The following ARRB1 variants were observed in gnomAD, a reference collection of about 807,000 sequenced individuals.
The protein encoded by ARRB1 is arrestin beta 1, also known as beta-arrestin-1.
Under a neutral mutation model 56.8 loss-of-function variants are expected in ARRB1, and 21 were observed. That is an observed-to-expected ratio of 0.37 (90% CI 0.26 to 0.53). The LOEUF is 0.53. Among genes scored for constraint, ARRB1 ranks in the 20% least tolerant of loss-of-function variants. The probability of loss-of-function intolerance (pLI) is 0.88; values close to 1 mark genes in which losing one functional copy is unlikely to be tolerated. For synonymous variants in ARRB1, 210 were observed against 218.6 expected (o/e 0.96, Z 0.35); for missense variants, 424 against 553.7 (o/e 0.77, Z 2.35).
Position 75,277,454 on chromosome 11 carries a change from G to T in ARRB1, c.619-6C>A. Reference sequence around the variant, plus strand: ...GGTTCTCCATGGTAATAGATCTGGGGGGCATAAGAAGGGACGGGGTTGGCT... The same window carrying T: ...GGTTCTCCATGGTAATAGATCTGGGTGGCATAAGAAGGGACGGGGTTGGCT... On this transcript the variant is annotated splice_region_variant and splice_polypyrimidine_tract_variant and intron_variant, in intron 8 of 15. Coordinates refer to ENST00000420843, the MANE Select transcript of ARRB1 (RefSeq NM_004041.5). 1 of 1,613,944 alleles carries T rather than the reference G, an allele frequency of 6.2e-7. No homozygotes were observed. Among genetic ancestry groups the T allele is most frequent in the East Asian group, 2.2e-5 (1 of 44,880 alleles).
At chr11:75,291,984 C>A (rs779944448) in intron 1 of ARRB1, among the ~76,000 whole-genome samples, 1 of 152,178 alleles carries the variant, frequency 6.6e-6, no homozygotes, top group East Asian at 1.9e-4. Context: ...CTCTGCGCTG[C>A]ATTGATGGCC....
At chr11:75,269,755 G>A (rs1237927182) in intron 13 of ARRB1, among the ~76,000 whole-genome samples, 2 of 150,528 alleles carry the variant, frequency 1.3e-5, no homozygotes. Flanking sequence ...ATTGAGGCAT[G>A]AGGAGATTAA....
rs2140379764 is a variant in ARRB1, at chr11:75,260,904, T to A, written c.*5259A>T. ...GCCAAGATTTCCATCCATCCGGCGC[T>A]GTGTAAAGATGAATTTAACCCTAGC... On this transcript the variant is annotated 3_prime_UTR_variant, in exon 16 of 16. Coordinates refer to ENST00000420843, the MANE Select transcript of ARRB1 (RefSeq NM_004041.5). 6.6e-6 allele frequency: 1 copy of A among 152,262 alleles called. No homozygotes were observed. Among genetic ancestry groups the A allele is most frequent in the African/African-American group, 2.4e-5 (1 of 41,526 alleles). The allele number at this position is 152,262 out of a possible 1,614,324, so 9.4% of individuals were successfully genotyped here.
At chr11:75,346,494 C>T (rs932001854) in intron 1 of ARRB1, among the ~76,000 whole-genome samples, 1 of 152,000 alleles carries the variant, frequency 6.6e-6, no homozygotes, top group Non-Finnish European at 1.5e-5. Context: ...CGCCCTTCCT[C>T]CAAGAGGCTC....
intron 1 of ARRB1, among the ~76,000 whole-genome samples, chr11:75,338,969 A>G (rs1304821843): frequency 1.3e-5 from 2 of 152,096 alleles, no homozygotes; most frequent in Admixed American, 1.3e-4. Context: ...TTATCTCCAG[A>G]GGCTGGAAAA....
intron 2 of ARRB1, 107 bp downstream of exon 2, chr11:75,289,902 C>T: frequency 2.0e-6 from 3 of 1,529,928 alleles, no homozygotes; most frequent in Non-Finnish European, 2.7e-6. Context: ...TGCCCCCTCC[C>T]ACAGAGGTGT....
chr11:75,340,426 C>T (rs958865892), intron 1 of ARRB1, among the ~76,000 whole-genome samples: 5 of 152,238 alleles, frequency 3.3e-5, no homozygotes. Flanking sequence ...AGCAATGCAG[C>T]ACCTCCTCCA....
chr11:75,273,527 G>A (rs1377317458), intron 11 of ARRB1, among the ~76,000 whole-genome samples: 4 of 152,164 alleles, frequency 2.6e-5, no homozygotes, highest in Non-Finnish European at 4.4e-5. Context: ...TGGGAGTGGC[G>A]GCTGCTCTAG....
intron 1 of ARRB1, among the ~76,000 whole-genome samples, chr11:75,314,735 G>A (rs573807131): frequency 9.9e-5 from 15 of 152,180 alleles, no homozygotes; most frequent in Admixed American, 7.8e-4. Context: ...CCAAGTATCT[G>A]GGACTACAGG....
rs1330575500 is a variant in ARRB1, at chr11:75,260,683, T to A, written c.*5480A>T. On this transcript the variant is annotated 3_prime_UTR_variant, in exon 16 of 16. Transcript: ENST00000420843. ...GACCGAATGTAATACACCCGTGTCATGCGCTTGCTGTGCCCTGAGCTTCAC... is the reference window on the plus strand; with the variant it reads ...GACCGAATGTAATACACCCGTGTCAAGCGCTTGCTGTGCCCTGAGCTTCAC... The A allele has an allele frequency of 6.6e-6, 1 of 152,266 alleles. No homozygotes were observed. Among genetic ancestry groups the A allele is most frequent in the African/African-American group, 2.4e-5 (1 of 41,426 alleles). 9.4% of individuals were successfully genotyped at this position (152,266 alleles called of 1,614,324 possible).
intron 4 of ARRB1, 82 bp from the exon 5 acceptor site, chr11:75,283,565 C>A (rs1006165758): frequency 2.2e-6 from 3 of 1,379,718 alleles, no homozygotes; most frequent in Admixed American, 2.5e-5. Flanking sequence ...AGCCCTGGGA[C>A]GGGCCCCACT....
intron 1 of ARRB1, among the ~76,000 whole-genome samples, chr11:75,297,448 C>T (rs1591939685): frequency 6.6e-6 from 1 of 151,882 alleles, no homozygotes; most frequent in Non-Finnish European, 1.5e-5. Context: ...GATTTTTTTA[C>T]AAAGGAGCCA....
intron 1 of ARRB1, among the ~76,000 whole-genome samples, chr11:75,315,242 TCCAGGTATCTGCCTTATGCAA>T (rs1947245857): frequency 6.6e-6 from 1 of 152,108 alleles, no homozygotes; most frequent in African/African-American, 2.4e-5. Context: ...ATGTGATCCA[TCCAGGTATCTGCCTTATGCAA>T]CCTCCTCCTG....
intron 1 of ARRB1, among the ~76,000 whole-genome samples, chr11:75,343,877 G>A (rs904938531): frequency 4.0e-5 from 6 of 151,750 alleles, no homozygotes; most frequent in Admixed American, 6.6e-5. Context: ...GTGCAGTGGC[G>A]TGATCTCGGC....
chr11:75,297,228 A>G (rs549727432), intron 1 of ARRB1, among the ~76,000 whole-genome samples: 2 of 152,050 alleles, frequency 1.3e-5, no homozygotes, highest in African/African-American at 2.4e-5. Context: ...CCTAAAATTC[A>G]TAAGGAAATG....
intron 15 of ARRB1, among the ~76,000 whole-genome samples, chr11:75,267,251 G>C (rs1320836056): frequency 6.6e-6 from 1 of 152,186 alleles, no homozygotes; most frequent in Non-Finnish European, 1.5e-5. Context: ...TTGGTCCTCA[G>C]GAGTCAGAAG....
At chr11:75,350,559 GC>G (rs1947832614) in intron 1 of ARRB1, among the ~76,000 whole-genome samples, 1 of 152,146 alleles carries the variant, frequency 6.6e-6, no homozygotes, top group Non-Finnish European at 1.5e-5. Context: ...GCCCCCAGGG[GC>G]TGTCCTGCTC....
At chr11:75,329,706 C>T (rs1947490513) in intron 1 of ARRB1, among the ~76,000 whole-genome samples, 1 of 152,174 alleles carries the variant, frequency 6.6e-6, no homozygotes, top group South Asian at 2.1e-4. Flanking sequence ...ACAATAATCA[C>T]TACTGGCTGG....
Position 75,267,677 on chromosome 11 carries a change from T to C in ARRB1, c.1120A>G (p.Thr374Ala), listed in dbSNP as rs1591885123. The C allele has an allele frequency of 5.1e-6, 8 of 1,561,658 alleles. No individual in the cohort carries two copies. Among genetic ancestry groups the C allele is most frequent in the Non-Finnish European group, 7.0e-6 (8 of 1,149,862 alleles). ...EVPENETPVD[T>A]NLIELDTNDD... is the part of the protein sequence containing the mutation. ...TTTGTGTCAAGTTCTATGAGATTGG[T>C]ATCTACTGGCGTCTCGTTCTCTGGA... Residue 374 changes from threonine to alanine, a missense_variant, in exon 15 of 16, where the codon ACC (threonine) becomes GCC (alanine). By Grantham distance (58) the Thr-to-Ala change is moderately conservative. Around this residue, in one of 3 missense-constraint regions of ARRB1, gnomAD observed 121 missense variants for 147.3 expected, o/e 0.82. Transcript: ENST00000420843.
Sources: gnomAD v4.1 joint callset for allele counts (sites outside exome capture counted in the v4.1 genomes callset) on GRCh38, gnomAD v4.1.1 for gene constraint, gnomAD v4.1.1 regional missense constraint, MANE v1.5 for transcripts, NCBI Gene and HGNC (gene_info 2026-07-23, HGNC 2026-07-21) for gene names.